The following OXSR1 variants were observed in gnomAD, a reference collection of about 807,000 sequenced individuals.
OXSR1 encodes the protein serine/threonine-protein kinase OSR1.
In OXSR1, 24 loss-of-function variants were observed where a neutral mutation model predicts 79.8. The observed-to-expected ratio is 0.30, with a 90% CI of 0.22 to 0.42. OXSR1 has a LOEUF of 0.42. OXSR1 is among the 10% of genes least tolerant of loss of function. OXSR1 has a pLI of 1.00. For synonymous variants in OXSR1, 226 were observed against 209.2 expected, an observed-to-expected ratio of 1.08 and a Z score of -0.69; for missense variants, 430 against 618.4, an observed-to-expected ratio of 0.70 and a Z score of 3.23.
chr3:38,168,890 C>T (rs1207646185), intron 1 of OXSR1, among the ~76,000 whole-genome samples: 1 of 152,166 alleles, frequency 6.6e-6, no homozygotes, highest in Non-Finnish European at 1.5e-5. Context: ...TGGATTGTTT[C>T]TGCTTTTTGG....
chr3:38,225,943 A>G (rs1294997821), intron 8 of OXSR1, among the ~76,000 whole-genome samples: 1 of 152,182 alleles, frequency 6.6e-6, no homozygotes, highest in Admixed American at 6.5e-5. Context: ...AAAAGGATAG[A>G]CAAGAATAAA....
chr3:38,249,956 T>G lies in OXSR1; in HGVS notation c.1323-10T>G, dbSNP rs1455771956. 9.2e-6 allele frequency: 14 copies of G among 1,515,648 alleles called. No individual in the cohort carries two copies. Among genetic ancestry groups the G allele is most frequent in the Non-Finnish European group, 1.3e-5 (14 of 1,095,748 alleles). 93.9% of individuals were successfully genotyped at this position (1,515,648 alleles called of 1,614,324 possible). A position where few individuals can be genotyped will look rare whatever the true frequency, so the allele number is the denominator to read the frequency against. ...AATTCTTATTTTATGCATTCTGCTT[T>G]CTTTCATAGGAATTCCAAAAAAGAA... is the stretch of plus-strand genomic sequence containing the variant. On this transcript the variant is annotated splice_polypyrimidine_tract_variant and intron_variant, in intron 14 of 17. Transcript: ENST00000311806.
At chr3:38,193,179 T>G (rs913183289) in intron 3 of OXSR1, 28 of 814,982 alleles carry the variant, frequency 3.4e-5, no homozygotes, top group Middle Eastern at 2.7e-4. Context: ...GTGCTGACAT[T>G]TAATAGGTGC....
chr3:38,241,958 C>T (rs1427846101), intron 11 of OXSR1, among the ~76,000 whole-genome samples: 1 of 150,528 alleles, frequency 6.6e-6, no homozygotes, highest in African/African-American at 2.4e-5. Context: ...TGACTAAGTC[C>T]ATCATTGTCA....
At chr3:38,199,651 G>A (rs1352482062) in intron 4 of OXSR1, among the ~76,000 whole-genome samples, 1 of 152,158 alleles carries the variant, frequency 6.6e-6, no homozygotes, top group African/African-American at 2.4e-5. Flanking sequence ...ACTATTGTGA[G>A]CTATGGTTCC....
intron 1 of OXSR1, among the ~76,000 whole-genome samples, chr3:38,174,597 A>C (rs939261839): frequency 7.2e-5 from 11 of 152,302 alleles, no homozygotes; most frequent in African/African-American, 1.9e-4. Flanking sequence ...CAAACAAACA[A>C]ACACCTCAGG....
intron 4 of OXSR1, among the ~76,000 whole-genome samples, chr3:38,204,430 G>A (rs1245201789): frequency 6.6e-6 from 1 of 152,012 alleles, no homozygotes; most frequent in Admixed American, 6.5e-5. Flanking sequence ...CCATAGCTTG[G>A]AATGTGCTGG....
intron 2 of OXSR1, among the ~76,000 whole-genome samples, chr3:38,184,351 G>C (rs1701840009): frequency 6.6e-6 from 1 of 152,168 alleles, no homozygotes. Flanking sequence ...GTGAGAGAAT[G>C]CATACTTCGA....
chr3:38,170,639 A>G (rs1412103024), intron 1 of OXSR1, among the ~76,000 whole-genome samples: 9 of 152,250 alleles, frequency 5.9e-5, no homozygotes, highest in Admixed American at 5.9e-4. Flanking sequence ...GCTTAAAGCC[A>G]TGTAGCTAAT....
intron 4 of OXSR1, among the ~76,000 whole-genome samples, chr3:38,202,879 T>G (rs1702189027): frequency 6.6e-6 from 1 of 152,176 alleles, no homozygotes; most frequent in African/African-American, 2.4e-5. Flanking sequence ...AATGTCAGTG[T>G]CTGGGAAGAC....
At chr3:38,232,117 AAAG>A (rs1305066054) in intron 10 of OXSR1, among the ~76,000 whole-genome samples, 2 of 151,764 alleles carry the variant, frequency 1.3e-5, no homozygotes, top group Non-Finnish European at 2.9e-5. Context: ...AAAAAAAACA[AAAG>A]AAGAGCGAGC....
intron 3 of OXSR1, among the ~76,000 whole-genome samples, chr3:38,198,358 C>T (rs1252548119): frequency 6.6e-6 from 1 of 152,196 alleles, no homozygotes; most frequent in South Asian, 2.1e-4. Context: ...TACAGCAGTG[C>T]ATATTCTAAT....
At chr3:38,209,247 CTCACTCTG>C (rs908772919) in intron 4 of OXSR1, among the ~76,000 whole-genome samples, 3 of 152,140 alleles carry the variant, frequency 2.0e-5, no homozygotes, top group African/African-American at 7.2e-5. Flanking sequence ...TTGACAGGGG[CTCACTCTG>C]TCACTCAGGC....
At chr3:38,183,504 T>C (rs902273626) in intron 2 of OXSR1, among the ~76,000 whole-genome samples, 1 of 152,236 alleles carries the variant, frequency 6.6e-6, no homozygotes, top group Admixed American at 6.5e-5. Context: ...TTATTAACTA[T>C]GATATTTGCT....
chr3:38,195,047 C>A (rs1233571995), intron 3 of OXSR1, among the ~76,000 whole-genome samples: 1 of 152,150 alleles, frequency 6.6e-6, no homozygotes, highest in Non-Finnish European at 1.5e-5. Context: ...ATATTCCTAT[C>A]TTTGCTAGTT....
Position 38,252,838 on chromosome 3 carries a change from G to C in OXSR1, c.1531G>C (p.Asp511His), listed in dbSNP as rs557160772. The change falls in exon 18 of 18, where the codon GAT becomes CAT. Residue 511 changes from aspartate (D) to histidine (H), a missense_variant. Physicochemically the swap from Asp to His is moderately conservative, Grantham distance 81. Around this residue, in one of 3 missense-constraint regions of OXSR1, gnomAD observed 276 missense variants for 354.2 expected, o/e 0.78. Coordinates refer to ENST00000311806, the MANE Select transcript of OXSR1 (RefSeq NM_005109.3). The part of the protein sequence containing the change: ...FKLASGVEGS[D>H]IPDDGKLIGF... ...TTAGGCATCTGGTGTCGAAGGCTCA[G>C]ATATTCCTGATGATGGTAAACTGAT... 30 of 1,613,628 alleles carry C rather than the reference G, an allele frequency of 1.9e-5. No homozygotes were observed. In the South Asian group the frequency reaches 3.2e-4, roughly 17 times the overall value.
intron 8 of OXSR1, 75 bp from the exon 9 acceptor site, chr3:38,229,612 A>G (rs1702763896): frequency 7.6e-7 from 1 of 1,323,504 alleles, no homozygotes; most frequent in African/African-American, 1.5e-5. Context: ...ATTTTTTCTC[A>G]TTTTTGATGA....
intron 1 of OXSR1, among the ~76,000 whole-genome samples, chr3:38,173,958 A>T (rs955981517): frequency 3.3e-5 from 5 of 152,224 alleles, no homozygotes; most frequent in Non-Finnish European, 5.9e-5. Context: ...ACAGTTGAGG[A>T]AAGACCTGAA....
intron 1 of OXSR1, among the ~76,000 whole-genome samples, chr3:38,171,462 C>G (rs1701580564): frequency 6.6e-6 from 1 of 152,140 alleles, no homozygotes; most frequent in Non-Finnish European, 1.5e-5. Context: ...GGTGTCATCT[C>G]CATCAAAACA....
Sources: gnomAD v4.1 joint callset for allele counts (sites outside exome capture counted in the v4.1 genomes callset) on GRCh38, gnomAD v4.1.1 for gene constraint, gnomAD v4.1.1 regional missense constraint, MANE v1.5 for transcripts, NCBI Gene and HGNC (gene_info 2026-07-23, HGNC 2026-07-21) for gene names.